Variants in TMTC1 observed in about 807,000 individuals in gnomAD.
TMTC1 encodes the protein protein O-mannosyl-transferase TMTC1.
In TMTC1, 73 loss-of-function variants were observed where a neutral mutation model predicts 104.8. The observed-to-expected ratio is 0.70, with a 90% CI of 0.58 to 0.85. The LOEUF is 0.85. Among genes scored for constraint, TMTC1 ranks in the 40% least tolerant of loss-of-function variants. The pLI is 0.00. For synonymous variants in TMTC1, 434 were observed against 428.7 expected, an observed-to-expected ratio of 1.01 and a Z score of -0.15; for missense variants, 1,035 against 1,096.1, an observed-to-expected ratio of 0.94 and a Z score of 0.79.
chr12:29,559,937 C>G (rs1329084573), intron 9 of TMTC1, among the ~76,000 whole-genome samples: 4 of 152,102 alleles, frequency 2.6e-5, no homozygotes, highest in African/African-American at 9.7e-5. Flanking sequence ...AAGAAAAATA[C>G]AGATGTAAAT....
intron 7 of TMTC1, among the ~76,000 whole-genome samples, chr12:29,590,476 C>A (rs541681757): frequency 2.0e-5 from 3 of 152,160 alleles, no homozygotes; most frequent in Admixed American, 2.0e-4. Context: ...CACTCCCTGT[C>A]CCCCCTTTGC....
intron 5 of TMTC1, among the ~76,000 whole-genome samples, chr12:29,649,802 G>C (rs1055386554): frequency 6.6e-6 from 1 of 152,230 alleles, no homozygotes; most frequent in Non-Finnish European, 1.5e-5. Flanking sequence ...GGTGCCCAGA[G>C]TGGAATATCA....
intron 5 of TMTC1, among the ~76,000 whole-genome samples, chr12:29,686,789 CT>C (rs1337059517): frequency 6.6e-6 from 1 of 152,166 alleles, no homozygotes; most frequent in Non-Finnish European, 1.5e-5. Context: ...TTGATTTATC[CT>C]TTTTTATCAT....
intron 5 of TMTC1, among the ~76,000 whole-genome samples, chr12:29,697,375 A>G (rs1941455257): frequency 6.6e-6 from 1 of 152,122 alleles, no homozygotes. Context: ...ACCTCTCACA[A>G]CTCAGAAATC....
At chr12:29,745,618 C>CAAAAA (rs71444341) in intron 5 of TMTC1, among the ~76,000 whole-genome samples, 19,942 of 82,912 alleles carry the variant, frequency 0.24, 2,415 homozygotes, top group Non-Finnish European at 0.33. Context: ...GAGACTCAAT[C>CAAAAA]AAAAAAAAAA....
chr12:29,617,036 A>T (rs567257992), intron 6 of TMTC1, among the ~76,000 whole-genome samples: 17 of 152,190 alleles, frequency 1.1e-4, no homozygotes, highest in Admixed American at 9.2e-4. Context: ...CTTACTGTTT[A>T]CCACTATGTT....
chr12:29,650,424 C>T (rs1939462328), intron 5 of TMTC1, among the ~76,000 whole-genome samples: 1 of 152,064 alleles, frequency 6.6e-6, no homozygotes, highest in Non-Finnish European at 1.5e-5. Context: ...TGAACTGTCA[C>T]CTCTCTTCCT....
At chr12:29,528,206 C>T (rs1944402723) in intron 11 of TMTC1, among the ~76,000 whole-genome samples, 1 of 152,176 alleles carries the variant, frequency 6.6e-6, no homozygotes. Context: ...ATTCAACTGG[C>T]TACAAGTCCT....
At chr12:29,642,768 A>G (rs1419591346) in intron 5 of TMTC1, among the ~76,000 whole-genome samples, 1 of 152,084 alleles carries the variant, frequency 6.6e-6, no homozygotes, top group Non-Finnish European at 1.5e-5. Context: ...CACTAAAAAT[A>G]TGAAAAATTA....
At chr12:29,658,881 T>G (rs757468418) in intron 5 of TMTC1, 1 of 152,216 alleles carries the variant, frequency 6.6e-6, no homozygotes, top group Non-Finnish European at 1.5e-5. Context: ...CAACATATTC[T>G]GAAGGAAGGT....
intron 5 of TMTC1, among the ~76,000 whole-genome samples, chr12:29,713,300 T>TACAC (rs10574727): frequency 0.18 from 24,343 of 134,258 alleles, 2,196 homozygotes; most frequent in Middle Eastern, 0.27. Flanking sequence ...CATAAACACA[T>TACAC]ACACACACAC....
At chr12:29,764,380 C>T (rs1368263247) in intron 2 of TMTC1, among the ~76,000 whole-genome samples, 3 of 152,042 alleles carry the variant, frequency 2.0e-5, no homozygotes, top group Non-Finnish European at 2.9e-5. Flanking sequence ...AGAATGAGTT[C>T]CATTAATGTC....
rs1374069471 is a variant in TMTC1, at chr12:29,755,888, GA to G, written c.555-4del. 1 of 1,611,176 alleles carries G rather than the reference GA, an allele frequency of 6.2e-7. No individual in the cohort carries two copies. The highest frequency in any genetic ancestry group is 1.7e-5 in the Admixed American group (1 of 59,204). On this transcript the variant is annotated splice_polypyrimidine_tract_variant and splice_region_variant and intron_variant, in intron 3 of 17. Coordinates refer to ENST00000539277, the MANE Select transcript of TMTC1 (RefSeq NM_001193451.2). ...CAACACAGCCCTGATCCAGACTCCTGAAAAACAAGTTGGAGATTCTTTTAAT... is the reference window on the plus strand; with the variant it reads ...CAACACAGCCCTGATCCAGACTCCTGAAAACAAGTTGGAGATTCTTTTAAT...
Position 29,548,829 on chromosome 12 carries a change from T to C in TMTC1, c.1676+8028A>G, listed in dbSNP as rs1259640864. ...AGTATAAAGGTTATATATTGCTTGATTATATCACTTATCTAAAATATATAA... is the reference window on the plus strand; with the variant it reads ...AGTATAAAGGTTATATATTGCTTGACTATATCACTTATCTAAAATATATAA... On this transcript the variant is annotated intron_variant, in intron 10 of 17. Coordinates refer to ENST00000539277, the MANE Select transcript of TMTC1 (RefSeq NM_001193451.2). Among the ~76,000 whole-genome samples the C allele has an allele frequency of 9.4e-5, 10 of 106,942 alleles. No homozygotes were observed. The South Asian group carries it at 2.5e-3, about 26-fold the overall frequency. The allele number at this position is 106,942 out of a possible 152,430, so 70.2% of individuals were successfully genotyped here. A position where few individuals can be genotyped will look rare whatever the true frequency, so the allele number is the denominator to read the frequency against.
At chr12:29,759,373 T>C (rs1356591310) in intron 2 of TMTC1, among the ~76,000 whole-genome samples, 1 of 152,114 alleles carries the variant, frequency 6.6e-6, no homozygotes. Flanking sequence ...GGCACATGCC[T>C]GTAGTTCCAG....
At chr12:29,647,516 A>T (rs1939323167) in intron 5 of TMTC1, among the ~76,000 whole-genome samples, 1 of 150,382 alleles carries the variant, frequency 6.6e-6, no homozygotes, top group Non-Finnish European at 1.5e-5. Flanking sequence ...CGGATGCAAC[A>T]TAGAGTCCTA....
At position 29,682,241 on chromosome 12, in the gene TMTC1, T is replaced by C. The variant is rs180994630; in HGVS notation, c.939-48905A>G. Among the ~76,000 whole-genome samples, 118 of 152,116 alleles carry C rather than the reference T, an allele frequency of 7.8e-4. 1 individual carries two copies. Among genetic ancestry groups the C allele is most frequent in the Admixed American group, 5.6e-3 (85 of 15,274 alleles). ...CTACTAGAACAGCTAAAATGAAAAA[T>C]AGAGCAATATCAAATACTGGGGAAG... On this transcript the variant is annotated intron_variant, in intron 5 of 17. Coordinates refer to ENST00000539277, the MANE Select transcript of TMTC1 (RefSeq NM_001193451.2).
At chr12:29,663,126 G>A (rs1029039712) in intron 5 of TMTC1, among the ~76,000 whole-genome samples, 1 of 152,252 alleles carries the variant, frequency 6.6e-6, no homozygotes, top group African/African-American at 2.4e-5. Flanking sequence ...CCTTGACTTC[G>A]ATCTTTAGTG....
Position 29,556,964 on chromosome 12 carries a change from A to G in TMTC1, c.1569T>C (p.Leu523=), listed in dbSNP as rs34522861. The change falls in exon 10 of 18, where the codon CTT becomes CTC. Residue 523 remains leucine, a synonymous_variant. Coordinates refer to ENST00000539277, the MANE Select transcript of TMTC1 (RefSeq NM_001193451.2). ...YPRHASALNN[L]GTLTRDTAEA... ...CTGCTGTGTCTCTCGTCAGTGTTCCAAGGTTGTTGAGCGCACTTGCATGGC... is the reference window on the plus strand; with the variant it reads ...CTGCTGTGTCTCTCGTCAGTGTTCCGAGGTTGTTGAGCGCACTTGCATGGC... 1.2e-4 allele frequency: 197 copies of G among 1,614,190 alleles called. 1 individual carries two copies. In the African/African-American group the frequency reaches 2.5e-3, roughly 21 times the overall value.
Sources: allele counts gnomAD v4.1 joint callset (sites outside exome capture counted in the v4.1 genomes callset), GRCh38; gene constraint gnomAD v4.1.1; transcripts MANE v1.5; gene names NCBI Gene and HGNC (gene_info 2026-07-23, HGNC 2026-07-21).